The following LARP1 variants were observed in gnomAD, a reference collection of about 807,000 sequenced individuals.
LARP1 encodes the protein La ribonucleoprotein 1, translational regulator.
In LARP1, 36 loss-of-function variants were observed where a neutral mutation model predicts 122.7. The observed-to-expected ratio is 0.29, with a 90% CI of 0.22 to 0.39. The LOEUF (loss-of-function observed/expected upper bound fraction) is 0.39, where lower values mean the gene tolerates loss of function less well. LARP1 is among the 10% of genes least tolerant of loss of function. The pLI, the probability that LARP1 is intolerant of heterozygous loss-of-function variation, is 1.00. For missense variants in LARP1, 1,040 were observed against 1,403.6 expected, an observed-to-expected ratio of 0.74 and a Z score of 4.14; for synonymous variants, 539 against 528.7, an observed-to-expected ratio of 1.02 and a Z score of -0.27.
chr5:154,741,483 A>C (rs1273000142), intron 1 of LARP1, among the ~76,000 whole-genome samples: 1 of 152,184 alleles, frequency 6.6e-6, no homozygotes, highest in Non-Finnish European at 1.5e-5. Flanking sequence ...GCTATGGAGA[A>C]CATGGAGTAT....
chr5:154,791,514 G>A (rs1431051901), intron 3 of LARP1, among the ~76,000 whole-genome samples: 1 of 152,146 alleles, frequency 6.6e-6, no homozygotes, highest in Non-Finnish European at 1.5e-5. Flanking sequence ...CAGCCCCCTA[G>A]CCTCTGTTTT....
chr5:154,720,444 G>A (rs1755793994), intron 1 of LARP1, among the ~76,000 whole-genome samples: 1 of 152,188 alleles, frequency 6.6e-6, no homozygotes, highest in Non-Finnish European at 1.5e-5. Context: ...GCTAGGTGTA[G>A]TGGCTCACAC....
At chr5:154,792,872 T>C in intron 4 of LARP1, 76 bp downstream of exon 4, 2 of 1,468,102 alleles carry the variant, frequency 1.4e-6, no homozygotes, top group Non-Finnish European at 1.9e-6. Context: ...AGGGGACTGC[T>C]GGAGGAGCTT....
intron 8 of LARP1, among the ~76,000 whole-genome samples, chr5:154,798,026 T>C (rs575675772): frequency 6.6e-6 from 1 of 152,356 alleles, no homozygotes; most frequent in Non-Finnish European, 1.5e-5. Context: ...AAACAGTTTT[T>C]CCACTTATAC....
At chr5:154,792,357 C>T (rs1034621823) in intron 3 of LARP1, among the ~76,000 whole-genome samples, 1 of 152,200 alleles carries the variant, frequency 6.6e-6, no homozygotes, top group African/African-American at 2.4e-5. Context: ...CCCCTGTGAG[C>T]CTCAGCACCG....
At chr5:154,784,365 G>A (rs1392793847) in intron 1 of LARP1, among the ~76,000 whole-genome samples, 1 of 152,192 alleles carries the variant, frequency 6.6e-6, no homozygotes, top group Admixed American at 6.5e-5. Context: ...AGGTCTACCC[G>A]AAGGAGGTCG....
chr5:154,721,994 C>T (rs1755901262), intron 1 of LARP1, among the ~76,000 whole-genome samples: 2 of 152,172 alleles, frequency 1.3e-5, no homozygotes, highest in African/African-American at 4.8e-5. Flanking sequence ...CTAAATATCT[C>T]CTCTTCACTG....
At chr5:154,689,405 C>T (rs144663749) in intron 1 of LARP1, among the ~76,000 whole-genome samples, 5,623 of 151,916 alleles carry the variant, frequency 0.037, 372 homozygotes, top group African/African-American at 0.13. Context: ...GAGCCAAGAT[C>T]GTGCCATTGC....
chr5:154,778,258 T>TA (rs577057003), intron 1 of LARP1, among the ~76,000 whole-genome samples: 2,971 of 119,676 alleles, frequency 0.025, 83 homozygotes, highest in African/African-American at 0.073. Flanking sequence ...AGACTCCGTC[T>TA]AAAAAAAAAA....
chr5:154,710,134 C>T (rs1223886764), upstream of LARP1, among the ~76,000 whole-genome samples: 1 of 152,116 alleles, frequency 6.6e-6, no homozygotes, highest in Non-Finnish European at 1.5e-5. Context: ...TTGGTGGCTG[C>T]CCGCCGCTCA....
At position 154,694,551 on chromosome 5, in the gene LARP1, T is replaced by C. The variant is rs1349449208; in HGVS notation, c.-180+11514T>C. Among the ~76,000 whole-genome samples the C allele has an allele frequency of 3.9e-5, 6 of 152,136 alleles. No homozygotes were observed. The East Asian group carries it at 9.6e-4, about 24-fold the overall frequency. On this transcript the variant is annotated intron_variant, in intron 1 of 18. Transcript: ENST00000687700. ...CTGAGATTACAGGTGTAAGCGACTATACCTGGCCCACCATGCTTTAGACAA... is the reference window on the plus strand; with the variant it reads ...CTGAGATTACAGGTGTAAGCGACTACACCTGGCCCACCATGCTTTAGACAA...
At position 154,793,818 on chromosome 5, in the gene LARP1, A is replaced by G. The variant is rs1469399372; in HGVS notation, c.887A>G (p.Tyr296Cys). 1 of 1,614,110 alleles carries G rather than the reference A, an allele frequency of 6.2e-7. No individual in the cohort carries two copies. The highest frequency in any genetic ancestry group is 1.7e-5 in the Admixed American group (1 of 60,026). Residue 296 changes from tyrosine to cysteine, a missense_variant, in exon 6 of 19, where the codon TAC (tyrosine) becomes TGC (cysteine). Coordinates refer to ENST00000518297, the MANE Select transcript of LARP1 (RefSeq NM_033551.3). ...GEIKGSESAT[Y>C]VPVAPPTPAW... ...CCCATAGGGTCTGAGTCTGCCACCT[A>G]CGTGCCCGTGGCCCCCCCCACCCCA...
chr5:154,797,235 T>TG (rs796441290), intron 8 of LARP1, among the ~76,000 whole-genome samples: 8 of 132,772 alleles, frequency 6.0e-5, no homozygotes, highest in African/African-American at 2.3e-4. Context: ...TTTTTTTTTT[T>TG]TTTTTTTTTT....
chr5:154,803,244 G>A lies in LARP1; in HGVS notation c.2110-46G>A. Reference sequence around the variant, plus strand: ...TTGATTCCTTAAACAGGCTAGAGCAGCCTGCTTACTTACATCTTTCCCCAC... The same window carrying A: ...TTGATTCCTTAAACAGGCTAGAGCAACCTGCTTACTTACATCTTTCCCCAC... On this transcript the variant is annotated intron_variant, in intron 11 of 18. Transcript: ENST00000518297. The surrounding 1 kb of genome is among the most constrained non-coding windows in gnomAD (Gnocchi z 4.4). 2 of 1,613,750 alleles carry A rather than the reference G, an allele frequency of 1.2e-6. No homozygotes were observed. The highest frequency in any genetic ancestry group is 1.1e-5 in the South Asian group (1 of 91,066).
chr5:154,791,696 T>G (rs987588168), intron 3 of LARP1, among the ~76,000 whole-genome samples: 8 of 152,244 alleles, frequency 5.3e-5, no homozygotes, highest in Admixed American at 5.2e-4. Context: ...AATCTTTGCA[T>G]ACTCAAGTCC....
chr5:154,702,431 C>A (rs1294335757), intron 1 of LARP1, among the ~76,000 whole-genome samples: 1 of 151,870 alleles, frequency 6.6e-6, no homozygotes, highest in Non-Finnish European at 1.5e-5. Flanking sequence ...TGGTGGGCAC[C>A]TGTAATCACA....
chr5:154,698,097 G>A (rs190975139), intron 1 of LARP1, among the ~76,000 whole-genome samples: 3 of 151,824 alleles, frequency 2.0e-5, no homozygotes, highest in African/African-American at 4.8e-5. Context: ...TTAGCAAGTC[G>A]TACACTTTGT....
At position 154,817,234 on chromosome 5, in the gene LARP1, C is replaced by A. The variant is rs1178247861; in HGVS notation, c.*3138C>A. The A allele has an allele frequency of 6.6e-6, 1 of 152,130 alleles. No homozygotes were observed. Among genetic ancestry groups the A allele is most frequent in the Non-Finnish European group, 1.5e-5 (1 of 68,006 alleles). The allele number at this position is 152,130 out of a possible 1,614,324, so 9.4% of individuals were successfully genotyped here. ...AGAGTACCTCCTGTGTGGAAGGGTCCCTGGATTTTCCCTAACACCCACCCT... is the reference window on the plus strand; with the variant it reads ...AGAGTACCTCCTGTGTGGAAGGGTCACTGGATTTTCCCTAACACCCACCCT... On this transcript the variant is annotated 3_prime_UTR_variant, in exon 19 of 19. Transcript: ENST00000518297.
intron 16 of LARP1, among the ~76,000 whole-genome samples, chr5:154,809,661 C>T (rs887395185): frequency 6.6e-6 from 1 of 151,288 alleles, no homozygotes; most frequent in Non-Finnish European, 1.5e-5. Flanking sequence ...TTATTGTAAG[C>T]ATTCTTCAGT....
Sources: gnomAD v4.1 joint callset for allele counts (sites outside exome capture counted in the v4.1 genomes callset) on GRCh38, gnomAD v4.1.1 for gene constraint, Gnocchi (gnomAD v3.1) non-coding constraint, MANE v1.5 for transcripts, NCBI Gene and HGNC (gene_info 2026-07-23, HGNC 2026-07-21) for gene names.